Variants in CADM2 observed in about 807,000 individuals in gnomAD.
The protein encoded by CADM2 is cell adhesion molecule 2.
A neutral mutation model predicts 49.8 loss-of-function variants in CADM2; 12 were observed. That is an observed-to-expected ratio of 0.24 (90% CI 0.15 to 0.39). The LOEUF (loss-of-function observed/expected upper bound fraction) is 0.39. Among genes scored for constraint, CADM2 ranks in the 10% least tolerant of loss-of-function variants. The probability of loss-of-function intolerance (pLI) is 1.00; values close to 1 mark genes in which losing one functional copy is unlikely to be tolerated. For missense variants in CADM2, 378 were observed against 492.3 expected, an observed-to-expected ratio of 0.77 and a Z score of 2.20; for synonymous variants, 214 against 175.4, an observed-to-expected ratio of 1.22 and a Z score of -1.74.
At chr3:85,597,742 G>A (rs967479621) in intron 1 of CADM2, among the ~76,000 whole-genome samples, 1 of 151,950 alleles carries the variant, frequency 6.6e-6, no homozygotes, top group African/African-American at 2.4e-5. Context: ...ATTAAACTTC[G>A]ATAAAAACAA....
chr3:85,199,954 A>C (rs1305584955), intron 1 of CADM2, among the ~76,000 whole-genome samples: 4 of 152,074 alleles, frequency 2.6e-5, no homozygotes, highest in African/African-American at 9.7e-5. Flanking sequence ...CAGGTTATGC[A>C]GTTAAAACTG....
intron 1 of CADM2, among the ~76,000 whole-genome samples, chr3:85,133,113 A>G (rs1411135845): frequency 6.6e-6 from 1 of 152,096 alleles, no homozygotes; most frequent in Admixed American, 6.6e-5. Context: ...TGGCTTCCGG[A>G]GTGAAGCTGC....
At chr3:85,757,734 G>A (rs1488831844) in intron 2 of CADM2, among the ~76,000 whole-genome samples, 1 of 152,066 alleles carries the variant, frequency 6.6e-6, no homozygotes, top group Non-Finnish European at 1.5e-5. Flanking sequence ...TATAATGCAA[G>A]AATAAAGTGA....
intron 1 of CADM2, among the ~76,000 whole-genome samples, chr3:85,152,173 C>A (rs2039943820): frequency 6.6e-6 from 1 of 152,114 alleles, no homozygotes; most frequent in African/African-American, 2.4e-5. Context: ...TCCTACCAGT[C>A]AGTGTAAACA....
intron 2 of CADM2, among the ~76,000 whole-genome samples, chr3:85,770,403 G>A (rs1577271607): frequency 6.6e-6 from 1 of 151,946 alleles, no homozygotes; most frequent in Non-Finnish European, 1.5e-5. Flanking sequence ...GACATTATGG[G>A]CTCAAGCAAT....
intron 3 of CADM2, among the ~76,000 whole-genome samples, chr3:85,830,713 TC>T (rs1320214326): frequency 1.3e-5 from 2 of 151,864 alleles, no homozygotes; most frequent in East Asian, 3.9e-4. Context: ...AGGGTCCAAT[TC>T]TTTTGCATGC....
intron 1 of CADM2, among the ~76,000 whole-genome samples, chr3:85,285,527 G>T (rs2043613196): frequency 6.6e-6 from 1 of 152,024 alleles, no homozygotes; most frequent in African/African-American, 2.4e-5. Flanking sequence ...ATGACAACAG[G>T]CAATTTAACT....
intron 3 of CADM2, among the ~76,000 whole-genome samples, chr3:85,829,793 T>G (rs1364324936): frequency 6.6e-6 from 1 of 152,010 alleles, no homozygotes; most frequent in Non-Finnish European, 1.5e-5. Flanking sequence ...TTGACTTACT[T>G]CACTTAGCGT....
intron 1 of CADM2, among the ~76,000 whole-genome samples, chr3:85,367,585 G>A (rs926174780): frequency 6.6e-6 from 1 of 151,672 alleles, no homozygotes; most frequent in Non-Finnish European, 1.5e-5. Flanking sequence ...TACTTAATGG[G>A]TTAATTAAAT....
chr3:85,944,513 G>C (rs575142735), intron 7 of CADM2, among the ~76,000 whole-genome samples: 1 of 152,032 alleles, frequency 6.6e-6, no homozygotes, highest in Admixed American at 6.6e-5. Context: ...ATTGACCACA[G>C]AGTTGGAAGT....
At chr3:85,411,913 T>C (rs937818163) in intron 1 of CADM2, among the ~76,000 whole-genome samples, 2 of 152,140 alleles carry the variant, frequency 1.3e-5, no homozygotes, top group African/African-American at 4.8e-5. Flanking sequence ...CTGCAACCTC[T>C]GCCTCCCAGG....
chr3:85,443,918 T>A (rs1037897304), intron 1 of CADM2, among the ~76,000 whole-genome samples: 9 of 152,070 alleles, frequency 5.9e-5, no homozygotes, highest in African/African-American at 2.2e-4. Flanking sequence ...AGATGTTAGA[T>A]AGGTATCTCA....
intron 1 of CADM2, among the ~76,000 whole-genome samples, chr3:85,496,442 A>G (rs539423357): frequency 4.3e-4 from 66 of 152,302 alleles, no homozygotes; most frequent in Non-Finnish European, 8.2e-4. Context: ...CTAATTCACC[A>G]CTGATGCGAC....
chr3:85,325,098 A>T (rs1340291288), intron 1 of CADM2, among the ~76,000 whole-genome samples: 2 of 152,238 alleles, frequency 1.3e-5, no homozygotes, highest in East Asian at 3.8e-4. Context: ...ATGAAATGGT[A>T]AAAATAGTAT....
intron 5 of CADM2, 40 bp from the exon 6 acceptor site, chr3:85,912,333 T>C (rs1717724555): frequency 6.7e-7 from 1 of 1,482,610 alleles, no homozygotes; most frequent in East Asian, 2.5e-5. Context: ...TGTTTTATTT[T>C]GAAAGGTGTC....
At chr3:86,049,433 C>T (rs1737078387) in intron 8 of CADM2, among the ~76,000 whole-genome samples, 1 of 151,832 alleles carries the variant, frequency 6.6e-6, no homozygotes, top group African/African-American at 2.4e-5. Flanking sequence ...CGCCACCACG[C>T]CCGGCTAATT....
At chr3:85,682,009 TGAAAGAAA>T (rs2066052541) in intron 1 of CADM2, among the ~76,000 whole-genome samples, 2 of 152,170 alleles carry the variant, frequency 1.3e-5, no homozygotes, top group Non-Finnish European at 2.9e-5. Flanking sequence ...CTTTTAGCCA[TGAAAGAAA>T]GAATGCACTT....
intron 1 of CADM2, among the ~76,000 whole-genome samples, chr3:85,478,200 A>G (rs2039062869): frequency 6.6e-6 from 1 of 151,912 alleles, no homozygotes; most frequent in Admixed American, 6.6e-5. Flanking sequence ...GTCCAAATGC[A>G]AGATTTCCAT....
chr3:84,984,683 A>T (rs1249163900), intron 1 of CADM2, among the ~76,000 whole-genome samples: 1 of 152,176 alleles, frequency 6.6e-6, no homozygotes. Context: ...CTAATTAAAG[A>T]ACAAACTATT....
Sources: gnomAD v4.1 joint callset for allele counts (sites outside exome capture counted in the v4.1 genomes callset) on GRCh38, gnomAD v4.1.1 for gene constraint, MANE v1.5 for transcripts, NCBI Gene and HGNC (gene_info 2026-07-23, HGNC 2026-07-21) for gene names.